The following GAN variants were observed in gnomAD, a reference collection of about 807,000 sequenced individuals.
GAN encodes epididymis secretory sperm binding protein.
A neutral mutation model predicts 71.3 loss-of-function variants in GAN; 48 were observed. That is an observed-to-expected ratio of 0.67 (90% CI 0.53 to 0.86). The LOEUF (loss-of-function observed/expected upper bound fraction) is 0.86. Among genes scored for constraint, GAN ranks in the 40% least tolerant of loss-of-function variants. GAN has a pLI of 0.00. For synonymous variants in GAN, 386 were observed against 276.8 expected (o/e 1.39, Z -3.92); for missense variants, 928 against 770.1 (o/e 1.21, Z -2.43).
At chr16:81,336,323 G>A (rs963968882) in intron 1 of GAN, among the ~76,000 whole-genome samples, 9 of 152,210 alleles carry the variant, frequency 5.9e-5, no homozygotes, top group Non-Finnish European at 1.0e-4. Context: ...AGATAGAGGG[G>A]TTGGTATTTT....
At chr16:81,345,403 A>G (rs1910085675) in intron 1 of GAN, among the ~76,000 whole-genome samples, 1 of 152,220 alleles carries the variant, frequency 6.6e-6, no homozygotes, top group South Asian at 2.1e-4. Flanking sequence ...ACACCATGGA[A>G]TACTATGCAG....
chr16:81,347,330 T>C (rs1378978941), intron 1 of GAN, among the ~76,000 whole-genome samples: 1 of 152,222 alleles, frequency 6.6e-6, no homozygotes, highest in Non-Finnish European at 1.5e-5. Context: ...ACCCTCTGTA[T>C]ACTGTCATAC....
intron 1 of GAN, among the ~76,000 whole-genome samples, chr16:81,338,635 T>G (rs1909843658): frequency 2.0e-5 from 3 of 152,150 alleles, no homozygotes; most frequent in Non-Finnish European, 4.4e-5. Context: ...TAAAGGTATA[T>G]AGAGATTTAA....
At chr16:81,315,748 A>T (rs1316175519) in intron 1 of GAN, among the ~76,000 whole-genome samples, 8 of 152,146 alleles carry the variant, frequency 5.3e-5, no homozygotes, top group African/African-American at 1.9e-4. Flanking sequence ...CTCTGAATCC[A>T]CGCGCGGGGG....
intron 1 of GAN, among the ~76,000 whole-genome samples, chr16:81,336,005 A>G (rs962016637): frequency 3.3e-5 from 5 of 152,058 alleles, no homozygotes; most frequent in African/African-American, 1.2e-4. Context: ...TGTGAGGCTG[A>G]TGGTGGTTCC....
Position 81,386,057 on chromosome 16 carries a change from G to A in GAN, c.*8461G>A, listed in dbSNP as rs1904391253. 6.6e-6 allele frequency: 1 copy of A among 152,026 alleles called. No individual in the cohort carries two copies. The highest frequency in any genetic ancestry group is 2.4e-5 in the African/African-American group (1 of 41,384). The allele number at this position is 152,026 out of a possible 1,614,324, so 9.4% of individuals were successfully genotyped here. ...TGAGCATCCAGCCAGAAAATGATTT[G>A]CTTTCTAGACCCATATCACCTCTCT... On this transcript the variant is annotated 3_prime_UTR_variant, in exon 11 of 11. Coordinates refer to ENST00000648994, the MANE Select transcript of GAN (RefSeq NM_022041.4).
chr16:81,341,185 G>C (rs1318247548), intron 1 of GAN, among the ~76,000 whole-genome samples: 1 of 152,210 alleles, frequency 6.6e-6, no homozygotes, highest in Non-Finnish European at 1.5e-5. Context: ...ACTTGAAAGT[G>C]ATGGGGAGAA....
At chr16:81,328,546 C>G (rs1413608937) in intron 1 of GAN, among the ~76,000 whole-genome samples, 13 of 152,032 alleles carry the variant, frequency 8.6e-5, no homozygotes, top group Admixed American at 8.5e-4. Context: ...AGACTATATC[C>G]CAGATCTGAA....
chr16:81,366,572 A>G (rs2161728), intron 9 of GAN, among the ~76,000 whole-genome samples: 2,746 of 152,312 alleles, frequency 0.018, 76 homozygotes, highest in African/African-American at 0.057. Context: ...GCTGTTTTAG[A>G]TGAGGGCACG....
chr16:81,332,236 C>T (rs149342450), intron 1 of GAN, among the ~76,000 whole-genome samples: 105 of 151,618 alleles, frequency 6.9e-4, no homozygotes, highest in Middle Eastern at 6.9e-3. Flanking sequence ...TGGCAAGCAA[C>T]GGTGGTGGGT....
In GAN at chr16:81,368,186, A is replaced by G. The variant is rs575790868; in HGVS notation, c.1502+2708A>G. 2.6e-5 allele frequency among the ~76,000 whole-genome samples: 4 copies of G among 152,380 alleles called. No individual in the cohort carries two copies. The South Asian group carries it at 6.2e-4, about 24-fold the overall frequency. On this transcript the variant is annotated intron_variant, in intron 9 of 10. Coordinates refer to ENST00000648994, the MANE Select transcript of GAN (RefSeq NM_022041.4). The stretch of plus-strand genomic sequence containing the variant: ...AAGGAAAGCAAAGAAATTGCCATAA[A>G]GTATTACCAAGCCAGAGCAACAGCT...
rs1431713350 is a variant in GAN, at chr16:81,388,591, C to T, written c.*10995C>T. Reference sequence around the variant, plus strand: ...GCCGGGAGGGCAGGCAGGCACAGGCCCCGCTCACTACCTCAGCACCCAGTG... The same window carrying T: ...GCCGGGAGGGCAGGCAGGCACAGGCTCCGCTCACTACCTCAGCACCCAGTG... On this transcript the variant is annotated 3_prime_UTR_variant, in exon 11 of 11. Coordinates refer to ENST00000648994, the MANE Select transcript of GAN (RefSeq NM_022041.4). 6.5e-6 allele frequency: 1 copy of T among 153,130 alleles called. No homozygotes were observed. The highest frequency in any genetic ancestry group is 1.5e-5 in the Non-Finnish European group (1 of 68,786). 9.5% of individuals were successfully genotyped at this position (153,130 alleles called of 1,614,324 possible). A position where few individuals can be genotyped will look rare whatever the true frequency, so the allele number is the denominator to read the frequency against.
intron 10 of GAN, 42 bp downstream of exon 10, chr16:81,377,370 G>T: frequency 6.3e-7 from 1 of 1,596,278 alleles, no homozygotes; most frequent in Non-Finnish European, 8.6e-7. Flanking sequence ...GTTTCCTGGT[G>T]ATTCTGGGTA....
At chr16:81,370,583 C>T (rs1001091931) in intron 9 of GAN, among the ~76,000 whole-genome samples, 2 of 152,230 alleles carry the variant, frequency 1.3e-5, no homozygotes, top group African/African-American at 2.4e-5. Context: ...GGCTGAGATT[C>T]ATCCCATTGG....
rs1045729979 is a variant in GAN, at chr16:81,383,658, A to T, written c.*6062A>T. The T allele has an allele frequency of 1.3e-5, 2 of 151,980 alleles. No homozygotes were observed. Among genetic ancestry groups the T allele is most frequent in the African/African-American group, 4.8e-5 (2 of 41,370 alleles). The allele number at this position is 151,980 out of a possible 1,614,324, so 9.4% of individuals were successfully genotyped here. Reference sequence around the variant, plus strand: ...TTGATAATAATTTCTTCCTGGCTCAACAAAGTTGTTGAGCTTCCTTCTGTG... The same window carrying T: ...TTGATAATAATTTCTTCCTGGCTCATCAAAGTTGTTGAGCTTCCTTCTGTG... On this transcript the variant is annotated 3_prime_UTR_variant, in exon 11 of 11. Transcript: ENST00000648994.
intron 1 of GAN, among the ~76,000 whole-genome samples, chr16:81,330,323 A>G (rs1909533794): frequency 6.6e-6 from 1 of 152,266 alleles, no homozygotes; most frequent in African/African-American, 2.4e-5. Context: ...AAAAGACACC[A>G]AGAGGCTGGA....
chr16:81,376,158 G>A (rs1219241436), intron 9 of GAN, among the ~76,000 whole-genome samples: 1 of 151,478 alleles, frequency 6.6e-6, no homozygotes. Flanking sequence ...GCAAAATTAT[G>A]GCACAAAGCT....
chr16:81,388,833 G>A lies in GAN; in HGVS notation c.*11237G>A, dbSNP rs748572216. On this transcript the variant is annotated 3_prime_UTR_variant, in exon 11 of 11. Transcript: ENST00000648994. ...CTATGTTCCAAATCGTTGTGGGATC[G>A]GAAACTAGAACTGCTTGTTTCCAGG... 1.3e-5 allele frequency: 2 copies of A among 152,198 alleles called. No individual in the cohort carries two copies. The highest frequency in any genetic ancestry group is 2.4e-5 in the African/African-American group (1 of 41,442). 9.4% of individuals were successfully genotyped at this position (152,198 alleles called of 1,614,324 possible).
intron 1 of GAN, among the ~76,000 whole-genome samples, chr16:81,350,187 A>C (rs1362341267): frequency 6.6e-6 from 1 of 152,228 alleles, no homozygotes; most frequent in Non-Finnish European, 1.5e-5. Flanking sequence ...GAGGACAGTT[A>C]GTGAAAAATG....
Sources: gnomAD v4.1 joint callset for allele counts (sites outside exome capture counted in the v4.1 genomes callset) on GRCh38, gnomAD v4.1.1 for gene constraint, MANE v1.5 for transcripts, NCBI Gene and HGNC (gene_info 2026-07-23, HGNC 2026-07-21) for gene names.